GABRA2: variants seen among roughly 807,000 people sequenced by gnomAD.
The protein encoded by GABRA2 is gamma-aminobutyric acid receptor subunit alpha-2.
In GABRA2, 16 loss-of-function variants were observed where a neutral mutation model predicts 48.7. The ratio of observed to expected loss-of-function variants is 0.33; its 90% CI spans 0.22 to 0.50. The LOEUF is 0.50. GABRA2 is among the 20% of genes least tolerant of loss of function. The pLI, the probability that GABRA2 is intolerant of heterozygous loss-of-function variation, is 0.98. For synonymous variants in GABRA2, 185 were observed against 184.5 expected, an observed-to-expected ratio of 1.00 and a Z score of -0.02; for missense variants, 275 against 535.6, an observed-to-expected ratio of 0.51 and a Z score of 4.80.
chr4:46,303,037 A>T (rs1726017880), intron 8 of GABRA2: 1 of 162,550 alleles, frequency 6.2e-6, no homozygotes, highest in Admixed American at 6.3e-5. Flanking sequence ...ATCTGTCTAA[A>T]TGCCTCTTTA....
intron 1 of GABRA2, chr4:46,389,122 G>A: frequency 1.0e-6 from 1 of 999,194 alleles, no homozygotes; most frequent in Non-Finnish European, 1.2e-6. Context: ...AAGGAGAGGA[G>A]AGGAGAGATG....
chr4:46,359,928 A>G (rs10018453), intron 3 of GABRA2, among the ~76,000 whole-genome samples: 21,034 of 151,712 alleles, frequency 0.14, 1,576 homozygotes, highest in Middle Eastern at 0.2. Context: ...AAAAACAAAA[A>G]AAAAAAAGAA....
chr4:46,345,075 A>T (rs1166835638), intron 3 of GABRA2, among the ~76,000 whole-genome samples: 1 of 151,792 alleles, frequency 6.6e-6, no homozygotes, highest in East Asian at 2.0e-4. Flanking sequence ...TGTTCTCATG[A>T]TAGTGAGTGA....
rs1722729456 is a variant in GABRA2, at chr4:46,287,261, G to C, written c.856+16199C>G. Among the ~76,000 whole-genome samples the C allele has an allele frequency of 2.0e-5, 3 of 146,814 alleles. No individual in the cohort carries two copies. In the South Asian group the frequency reaches 6.4e-4, roughly 31 times the overall value. Reference sequence around the variant, plus strand: ...CTAACAACCCTGTTGAAAATCAGTTGGCAGGTAGCGTGATTCCTCCAGCTT... The same window carrying C: ...CTAACAACCCTGTTGAAAATCAGTTCGCAGGTAGCGTGATTCCTCCAGCTT... On this transcript the variant is annotated intron_variant, in intron 8 of 9. Transcript: ENST00000381620.
In GABRA2 at chr4:46,310,920, C is replaced by A. The variant is rs551108596; in HGVS notation, c.477-665G>T. The stretch of plus-strand genomic sequence containing the variant: ...GAAAATTTGATATAATGCAAACTTC[C>A]AATTATTCCATTTCATGTAAAGACA... On this transcript the variant is annotated intron_variant, in intron 5 of 9. Transcript: ENST00000381620. 8.6e-5 allele frequency among the ~76,000 whole-genome samples: 13 copies of A among 152,020 alleles called. 1 individual carries two copies. Among genetic ancestry groups the A allele is most frequent in the African/African-American group, 3.1e-4 (13 of 41,472 alleles).
intron 3 of GABRA2, among the ~76,000 whole-genome samples, chr4:46,346,983 G>T (rs541433535): frequency 1.9e-4 from 29 of 151,936 alleles, no homozygotes; most frequent in Admixed American, 1.3e-3. Context: ...TACTAACAAT[G>T]AACAATCTGA....
At chr4:46,366,052 G>A (rs1713983412) in intron 3 of GABRA2, 1 of 152,010 alleles carries the variant, frequency 6.6e-6, no homozygotes, top group South Asian at 2.1e-4. Context: ...TTTGTACCAA[G>A]AAATGCTGAG....
intron 6 of GABRA2, among the ~76,000 whole-genome samples, chr4:46,307,371 ATACATCAAATGATCTAC>A (rs895113173): frequency 3.0e-4 from 45 of 151,964 alleles, no homozygotes; most frequent in African/African-American, 1.1e-3. Context: ...TAACAAAAAG[ATACATCAAATGATCTAC>A]TTTACGTTGG....
At chr4:46,288,741 T>G (rs1464712080) in intron 8 of GABRA2, among the ~76,000 whole-genome samples, 1 of 152,098 alleles carries the variant, frequency 6.6e-6, no homozygotes, top group African/African-American at 2.4e-5. Context: ...AAGAGCATCT[T>G]CACAGTAAAG....
chr4:46,385,885 G>A (rs1484649985), intron 3 of GABRA2, among the ~76,000 whole-genome samples, 189 bp downstream of exon 3: 2 of 151,982 alleles, frequency 1.3e-5, no homozygotes, highest in Non-Finnish European at 2.9e-5. Context: ...TGAAAGATAT[G>A]TTAAATACAT....
intron 9 of GABRA2, among the ~76,000 whole-genome samples, chr4:46,256,658 T>C (rs1050188136): frequency 6.6e-6 from 1 of 151,576 alleles, no homozygotes; most frequent in African/African-American, 2.4e-5. Flanking sequence ...GGCCCAAAGA[T>C]GAATGTATTT....
chr4:46,265,989 T>C (rs896108231), intron 8 of GABRA2, among the ~76,000 whole-genome samples: 3 of 151,960 alleles, frequency 2.0e-5, no homozygotes, highest in Non-Finnish European at 2.9e-5. Context: ...TTGTCTTTTT[T>C]ATTGATTTCT....
chr4:46,389,104 G>C, intron 1 of GABRA2: 1 of 1,006,144 alleles, frequency 9.9e-7, no homozygotes, highest in Non-Finnish European at 1.2e-6. Flanking sequence ...TTGGAGGGGA[G>C]GGGAGGAAAG....
At chr4:46,353,638 C>T (rs1307177467) in intron 3 of GABRA2, among the ~76,000 whole-genome samples, 4 of 152,144 alleles carry the variant, frequency 2.6e-5, no homozygotes, top group African/African-American at 9.6e-5. Flanking sequence ...TGCACTCTTC[C>T]CTATTGTAGA....
chr4:46,266,564 T>C (rs933905701), intron 8 of GABRA2, among the ~76,000 whole-genome samples: 1 of 151,286 alleles, frequency 6.6e-6, no homozygotes, highest in African/African-American at 2.4e-5. Context: ...AGATTCTCTA[T>C]TGGCCTTTGG....
At chr4:46,377,351 C>A (rs1715918488) in intron 3 of GABRA2, among the ~76,000 whole-genome samples, 1 of 151,482 alleles carries the variant, frequency 6.6e-6, no homozygotes, top group African/African-American at 2.4e-5. Context: ...CCCAGCCGCC[C>A]ATCGTCTGAG....
intron 3 of GABRA2, among the ~76,000 whole-genome samples, chr4:46,357,955 G>A (rs1465638822): frequency 3.3e-5 from 5 of 152,044 alleles, no homozygotes; most frequent in Non-Finnish European, 5.9e-5. Context: ...ACCGCGCCCA[G>A]CTGTGAAACT....
intron 3 of GABRA2, among the ~76,000 whole-genome samples, chr4:46,370,093 T>C (rs968433456): frequency 6.6e-6 from 1 of 151,886 alleles, no homozygotes; most frequent in African/African-American, 2.4e-5. Context: ...TGAACAGAAG[T>C]CACTGGCTAC....
At chr4:46,302,021 G>T (rs1028857734) in intron 8 of GABRA2, among the ~76,000 whole-genome samples, 6 of 151,364 alleles carry the variant, frequency 4.0e-5, no homozygotes, top group African/African-American at 1.2e-4. Context: ...AATGAAGTTT[G>T]TTATTAAATA....
Sources: gnomAD v4.1 joint callset for allele counts (sites outside exome capture counted in the v4.1 genomes callset) on GRCh38, gnomAD v4.1.1 for gene constraint, MANE v1.5 for transcripts, NCBI Gene and HGNC (gene_info 2026-07-23, HGNC 2026-07-21) for gene names.